Variants in COG5 observed in about 807,000 individuals in gnomAD.
COG5 encodes the protein conserved oligomeric Golgi complex subunit 5.
Under a neutral mutation model 110.4 loss-of-function variants are expected in COG5, and 86 were observed. The ratio of observed to expected loss-of-function variants is 0.78; its 90% CI spans 0.65 to 0.93. COG5 has a LOEUF of 0.93. Ranked by LOEUF, COG5 falls within the 40% of genes least tolerant of loss-of-function variation. The pLI is 0.00. For missense variants in COG5, 1,077 were observed against 987.0 expected, an observed-to-expected ratio of 1.09 and a Z score of -1.22; for synonymous variants, 360 against 334.6, an observed-to-expected ratio of 1.08 and a Z score of -0.83.
At position 107,563,783 on chromosome 7, in the gene COG5, G is replaced by C; in HGVS notation, c.94+20C>G. 1 of 1,613,648 alleles carries C rather than the reference G, an allele frequency of 6.2e-7. No individual in the cohort carries two copies. On this transcript the variant is annotated intron_variant, in intron 1 of 21. Coordinates refer to ENST00000297135, the MANE Select transcript of COG5 (RefSeq NM_006348.5). ...CGCAGACCCCCAACCCCACGACCTGGTCAGACCCCGTCTCCTTACCGTCCT... is the reference window on the plus strand; with the variant it reads ...CGCAGACCCCCAACCCCACGACCTGCTCAGACCCCGTCTCCTTACCGTCCT...
At chr7:107,522,063 T>C (rs911757956) in intron 6 of COG5, among the ~76,000 whole-genome samples, 1 of 152,012 alleles carries the variant, frequency 6.6e-6, no homozygotes, top group Non-Finnish European at 1.5e-5. Context: ...AAATGGGAGT[T>C]GAACAACGAG....
chr7:107,256,664 C>CCCACTCAGCAAAACAAATAATCCTAAAA, intron 16 of COG5, 68 bp downstream of exon 16: 1 of 979,322 alleles, frequency 1.0e-6, no homozygotes, highest in African/African-American at 1.6e-5. Flanking sequence ...TGTGACATTG[C>CCCACTCAGCAAAACAAATAATCCTAAAA]CCACTCAGCA....
In COG5 at chr7:107,418,656, C is replaced by T. The variant is rs533043966; in HGVS notation, c.539-6024G>A. Among the ~76,000 whole-genome samples the T allele has an allele frequency of 3.0e-4, 44 of 148,424 alleles. 1 individual carries two copies. In the South Asian group the frequency reaches 8.4e-3, roughly 28 times the overall value. ...GTTTCATTAAAGAAACCTTAGAGAA[C>T]ACAGAAGTTAGTGGAAAATGTCATC... On this transcript the variant is annotated intron_variant, in intron 6 of 21. Transcript: ENST00000297135.
chr7:107,506,804 C>T (rs1022023523), intron 6 of COG5, among the ~76,000 whole-genome samples: 3 of 152,242 alleles, frequency 2.0e-5, no homozygotes, highest in African/African-American at 7.2e-5. Flanking sequence ...CTTGTGGCTA[C>T]AGGACACTTG....
intron 21 of COG5, among the ~76,000 whole-genome samples, chr7:107,204,284 ATT>A (rs963204589): frequency 6.6e-6 from 1 of 152,178 alleles, no homozygotes; most frequent in Non-Finnish European, 1.5e-5. Flanking sequence ...ATGCTTGTTC[ATT>A]TATATATTGT....
At chr7:107,244,302 C>T (rs1801879357) in intron 17 of COG5, among the ~76,000 whole-genome samples, 2 of 152,248 alleles carry the variant, frequency 1.3e-5, no homozygotes, top group Non-Finnish European at 1.5e-5. Context: ...TACAACATAT[C>T]ACAATCTCTG....
Position 107,474,271 on chromosome 7 carries a change from A to C in COG5, c.538+52966T>G, listed in dbSNP as rs1157121963. On this transcript the variant is annotated intron_variant, in intron 6 of 21. Coordinates refer to ENST00000297135, the MANE Select transcript of COG5 (RefSeq NM_006348.5). The surrounding 1 kb of genome is among the most constrained non-coding windows in gnomAD (Gnocchi z 5.7). ...ATTGGTACTTTACTGCATGAAATCC[A>C]ACTTAATCAACTCTGTCAGTAACAT... The C allele has an allele frequency of 1.2e-5, 20 of 1,612,218 alleles. No individual in the cohort carries two copies. The highest frequency in any genetic ancestry group is 1.6e-5 in the Non-Finnish European group (19 of 1,178,628).
At chr7:107,354,584 G>A (rs1231106766) in intron 10 of COG5, among the ~76,000 whole-genome samples, 2 of 152,156 alleles carry the variant, frequency 1.3e-5, no homozygotes, top group South Asian at 2.1e-4. Flanking sequence ...GCTGAGGCAG[G>A]AGAATCGCTT....
At chr7:107,485,365 C>T (rs1422206537) in intron 6 of COG5, among the ~76,000 whole-genome samples, 1 of 152,186 alleles carries the variant, frequency 6.6e-6, no homozygotes, top group Non-Finnish European at 1.5e-5. Context: ...TAAGAGCTAA[C>T]TGTGTTCTGA....
intron 15 of COG5, among the ~76,000 whole-genome samples, chr7:107,257,953 C>T (rs775951409): frequency 5.3e-5 from 8 of 152,232 alleles, no homozygotes; most frequent in Middle Eastern, 3.4e-3. Context: ...TTACTACCAT[C>T]CACAGTGTAT....
rs1049510631 is a variant in COG5, at chr7:107,203,540, T to C, written c.2466A>G (p.Gln822=). The C allele has an allele frequency of 1.2e-6, 2 of 1,613,504 alleles. No individual in the cohort carries two copies. The highest frequency in any genetic ancestry group is 1.3e-5 in the African/African-American group (1 of 75,042). ...ATTACTGAAGAGCAGACATAGCCTT[T>C]TGAAGCAGCTGAACCATTATGGGAT... ...PVYPIMVQLL[Q]KAMSALQ is the part of the protein sequence containing the mutation. Residue 822 remains glutamine (Q), a synonymous_variant, in exon 22 of 22, where the codon CAA becomes CAG. Coordinates refer to ENST00000297135, the MANE Select transcript of COG5 (RefSeq NM_006348.5).
At chr7:107,255,165 G>C (rs527737157) in intron 16 of COG5, among the ~76,000 whole-genome samples, 1 of 152,236 alleles carries the variant, frequency 6.6e-6, no homozygotes, top group South Asian at 2.1e-4. Context: ...AATTATAGAA[G>C]AGTATCCATT....
intron 6 of COG5, among the ~76,000 whole-genome samples, chr7:107,483,507 A>G (rs1797468228): frequency 6.6e-6 from 1 of 152,128 alleles, no homozygotes. Flanking sequence ...GGAGTTCGAG[A>G]CCAGCCTGAC....
At chr7:107,243,624 T>C (rs1801824625) in intron 17 of COG5, among the ~76,000 whole-genome samples, 1 of 150,606 alleles carries the variant, frequency 6.6e-6, no homozygotes, top group South Asian at 2.1e-4. Flanking sequence ...AGGCAGAAAA[T>C]TAACAAAGAC....
chr7:107,442,671 G>A (rs1794789149), intron 6 of COG5, among the ~76,000 whole-genome samples: 2 of 147,982 alleles, frequency 1.4e-5, no homozygotes, highest in Non-Finnish European at 1.5e-5. Flanking sequence ...GTCTATACGA[G>A]AAACTTGTAG....
At chr7:107,529,963 C>A (rs897703985) in intron 5 of COG5, among the ~76,000 whole-genome samples, 1 of 152,078 alleles carries the variant, frequency 6.6e-6, no homozygotes, top group Non-Finnish European at 1.5e-5. Flanking sequence ...CAATTTGGAA[C>A]GTAAAATCTC....
rs1383340884 is a variant in COG5, at chr7:107,372,606, G to A, written c.824C>T (p.Ser275Leu). 3 of 1,613,452 alleles carry A rather than the reference G, an allele frequency of 1.9e-6. No homozygotes were observed. Among genetic ancestry groups the A allele is most frequent in the East Asian group, 4.5e-5 (2 of 44,808 alleles). Residue 275 changes from serine to leucine, a missense_variant, in exon 8 of 22, where the codon TCA becomes TTA. Coordinates refer to ENST00000297135, the MANE Select transcript of COG5 (RefSeq NM_006348.5). The part of the protein sequence containing the change: ...DIKVLTQPSQ[S>L]AVRGGPGRST... ...AACCACATCCATACCTCTCACAGCT[G>A]ACTGGGAAGGCTGAGTCAAAACTTT...
intron 7 of COG5, among the ~76,000 whole-genome samples, chr7:107,401,216 T>C (rs1018806238): frequency 2.0e-5 from 3 of 152,032 alleles, no homozygotes. Context: ...TTAATTTCCA[T>C]TCAAATTTAA....
chr7:107,236,607 A>G lies in COG5; in HGVS notation c.1934T>C (p.Met645Thr). 2 of 1,614,142 alleles carry G rather than the reference A, an allele frequency of 1.2e-6. No individual in the cohort carries two copies. The highest frequency in any genetic ancestry group is 1.7e-6 in the Non-Finnish European group (2 of 1,180,012). ...TTCAAAGTGTTTAAAATAGTCACTC[A>G]TAACTCTGGCAATGAAACCTTGTAG... The part of the protein sequence containing the change: ...KELQGFIARV[M>T]SDYFKHFECL... The change falls in exon 18 of 22, where the codon ATG (methionine) becomes ACG (threonine). Residue 645 changes from methionine (M) to threonine (T), a missense_variant. By Grantham distance (81) the Met-to-Thr change is moderately conservative. Transcript: ENST00000297135.
Sources: gnomAD v4.1 joint callset for allele counts (sites outside exome capture counted in the v4.1 genomes callset) on GRCh38, gnomAD v4.1.1 for gene constraint, Gnocchi (gnomAD v3.1) non-coding constraint, MANE v1.5 for transcripts, NCBI Gene and HGNC (gene_info 2026-07-23, HGNC 2026-07-21) for gene names.